GRM7: variants seen among roughly 807,000 people sequenced by gnomAD.
The protein encoded by GRM7 is glutamate metabotropic receptor 7.
In GRM7, 35 loss-of-function variants were observed where a neutral mutation model predicts 84.5. That is an observed-to-expected ratio of 0.41 (90% CI 0.32 to 0.55). GRM7 has a LOEUF of 0.55. Among genes scored for constraint, GRM7 ranks in the 20% least tolerant of loss-of-function variants. The probability of loss-of-function intolerance (pLI) is 0.19; values close to 1 mark genes in which losing one functional copy is unlikely to be tolerated. For missense variants in GRM7, 1,003 were observed against 1,194.6 expected (o/e 0.84, Z 2.36); for synonymous variants, 487 against 455.1 (o/e 1.07, Z -0.89).
intron 5 of GRM7, among the ~76,000 whole-genome samples, chr3:7,449,520 A>G (rs775890425): frequency 2.0e-5 from 3 of 152,170 alleles, no homozygotes; most frequent in Non-Finnish European, 4.4e-5. Flanking sequence ...ATCTTTAAAA[A>G]TCAACAAATC....
chr3:7,486,455 C>T lies in GRM7; in HGVS notation c.1515+24733C>T, dbSNP rs1226770292. ...TGATACCATTGAGAGGCAATTGGGT[C>T]ATAAAGCGTACTCCTTTATGAAGGG... On this transcript the variant is annotated intron_variant, in intron 7 of 9. Coordinates refer to ENST00000357716, the MANE Select transcript of GRM7 (RefSeq NM_000844.4). The surrounding 1 kb of genome is among the most constrained non-coding windows in gnomAD (Gnocchi z 5.5). Among the ~76,000 whole-genome samples, 3 of 152,048 alleles carry T rather than the reference C, an allele frequency of 2.0e-5. No homozygotes were observed. The highest frequency in any genetic ancestry group is 2.9e-5 in the Non-Finnish European group (2 of 68,014).
intron 7 of GRM7, among the ~76,000 whole-genome samples, chr3:7,551,857 G>GTTT (rs1693495048): frequency 1.3e-5 from 2 of 152,108 alleles, no homozygotes; most frequent in Non-Finnish European, 2.9e-5. Flanking sequence ...AATTTATTAA[G>GTTT]GAAAGAAGTT....
At chr3:7,214,660 T>C (rs1318668750) in intron 2 of GRM7, among the ~76,000 whole-genome samples, 1 of 152,224 alleles carries the variant, frequency 6.6e-6, no homozygotes, top group African/African-American at 2.4e-5. Context: ...TTGTTTTATC[T>C]CCAGCCAGAT....
intron 1 of GRM7, among the ~76,000 whole-genome samples, chr3:7,112,425 CA>C (rs1197108058): frequency 1.3e-5 from 2 of 151,960 alleles, no homozygotes; most frequent in Non-Finnish European, 2.9e-5. Context: ...GGGGTTTCAC[CA>C]TGTTAGCCAG....
At chr3:6,885,485 G>A (rs1036932490) in intron 1 of GRM7, among the ~76,000 whole-genome samples, 19 of 152,266 alleles carry the variant, frequency 1.2e-4, no homozygotes, top group African/African-American at 4.3e-4. Flanking sequence ...CACATTGGTG[G>A]GAGTGTCTTA....
intron 1 of GRM7, among the ~76,000 whole-genome samples, chr3:6,925,834 G>A (rs1402256999): frequency 2.0e-5 from 3 of 152,096 alleles, no homozygotes; most frequent in Non-Finnish European, 4.4e-5. Context: ...ACATACATTG[G>A]CACTTCAGAT....
At chr3:7,397,774 G>A (rs184938556) in intron 4 of GRM7, among the ~76,000 whole-genome samples, 2 of 152,132 alleles carry the variant, frequency 1.3e-5, no homozygotes, top group African/African-American at 2.4e-5. Flanking sequence ...ACTTGGCAAT[G>A]TATGAAGATA....
At chr3:7,332,699 C>T (rs1701254043) in intron 4 of GRM7, among the ~76,000 whole-genome samples, 1 of 152,092 alleles carries the variant, frequency 6.6e-6, no homozygotes, top group Admixed American at 6.6e-5. Context: ...CTCCAAGAAC[C>T]ACGACAGGAA....
chr3:7,515,864 C>G (rs1166063313), intron 7 of GRM7, among the ~76,000 whole-genome samples: 1 of 151,948 alleles, frequency 6.6e-6, no homozygotes. Flanking sequence ...ATGGTAAGGC[C>G]AAGCATGATG....
chr3:6,874,554 A>C (rs962192503), intron 1 of GRM7, among the ~76,000 whole-genome samples: 2 of 152,198 alleles, frequency 1.3e-5, no homozygotes, highest in Non-Finnish European at 2.9e-5. Context: ...TCGGGTAGGA[A>C]AAATTCTTAT....
At chr3:7,619,141 G>A (rs1243209320) in intron 8 of GRM7, among the ~76,000 whole-genome samples, 1 of 152,024 alleles carries the variant, frequency 6.6e-6, no homozygotes, top group African/African-American at 2.4e-5. Flanking sequence ...GGCCCATTTT[G>A]CAAATATGTG....
In GRM7 at chr3:7,135,296, A is replaced by G. The variant is rs147746435; in HGVS notation, c.520-11156A>G. ...AGAATAAGCCCGAAATGGTTCTTCA[A>G]TGATTTTCCCTTTTGGGTGATCCAT... is the stretch of plus-strand genomic sequence containing the variant. On this transcript the variant is annotated intron_variant, in intron 1 of 9. Coordinates refer to ENST00000357716, the MANE Select transcript of GRM7 (RefSeq NM_000844.4). Among the ~76,000 whole-genome samples the G allele has an allele frequency of 5.8e-3, 876 of 152,332 alleles. 10 individuals are homozygous for G. Among genetic ancestry groups the G allele is most frequent in the African/African-American group, 0.02 (813 of 41,582 alleles).
rs570291231 is a variant in GRM7 at position 7,331,491 on chromosome 3, G to T, written c.1033+24839G>T. On this transcript the variant is annotated intron_variant, in intron 4 of 9. Transcript: ENST00000357716. ...TGGACATACCACGGCTCAAATTACT[G>T]TGTAAGACACAAATATTCCACTCTG... is the stretch of plus-strand genomic sequence containing the variant. Among the ~76,000 whole-genome samples, 3 of 152,300 alleles carry T rather than the reference G, an allele frequency of 2.0e-5. No individual in the cohort carries two copies. In the East Asian group the frequency reaches 5.8e-4, roughly 29 times the overall value.
intron 2 of GRM7, among the ~76,000 whole-genome samples, chr3:7,253,616 T>TAA (rs138776034): frequency 8.3e-6 from 1 of 121,194 alleles, no homozygotes; most frequent in Non-Finnish European, 1.7e-5. Context: ...AAACTCCATC[T>TAA]AAAAAAAAAA....
chr3:6,957,298 G>T (rs1032344018), intron 1 of GRM7, among the ~76,000 whole-genome samples: 19 of 152,298 alleles, frequency 1.2e-4, no homozygotes, highest in Admixed American at 5.2e-4. Flanking sequence ...TGATTAAGGT[G>T]TCTCACTTGT....
At chr3:7,522,561 A>G (rs962872654) in intron 7 of GRM7, among the ~76,000 whole-genome samples, 3 of 152,142 alleles carry the variant, frequency 2.0e-5, no homozygotes, top group African/African-American at 4.8e-5. Flanking sequence ...TATACTTGGC[A>G]GCCAGAAAAT....
At chr3:6,984,733 G>T (rs1025186180) in intron 1 of GRM7, among the ~76,000 whole-genome samples, 2 of 152,040 alleles carry the variant, frequency 1.3e-5, no homozygotes, top group African/African-American at 4.8e-5. Context: ...CCATCCTTCA[G>T]TTGCACTGAT....
chr3:7,677,216 C>T (rs983549622), intron 8 of GRM7, among the ~76,000 whole-genome samples: 1 of 142,354 alleles, frequency 7.0e-6, no homozygotes, highest in African/African-American at 2.6e-5. Flanking sequence ...GAGCTGAGAT[C>T]GCACCACTGC....
intron 9 of GRM7, among the ~76,000 whole-genome samples, chr3:7,713,795 CT>C (rs60007117): frequency 0.49 from 31,867 of 64,768 alleles, 8,033 homozygotes; most frequent in East Asian, 0.6. Flanking sequence ...CGGATGCTTT[CT>C]TTTTTTTTTT....
Sources: gnomAD v4.1 joint callset for allele counts (sites outside exome capture counted in the v4.1 genomes callset) on GRCh38, gnomAD v4.1.1 for gene constraint, Gnocchi (gnomAD v3.1) non-coding constraint, MANE v1.5 for transcripts, NCBI Gene and HGNC (gene_info 2026-07-23, HGNC 2026-07-21) for gene names.